NEGR1: variants seen among roughly 807,000 people sequenced by gnomAD.
NEGR1 encodes neuronal growth regulator 1.
A neutral mutation model predicts 40.9 loss-of-function variants in NEGR1; 10 were observed. The observed-to-expected ratio is 0.24, with a 90% CI of 0.15 to 0.42. The LOEUF (loss-of-function observed/expected upper bound fraction) is 0.42. Among genes scored for constraint, NEGR1 ranks in the 10% least tolerant of loss-of-function variants. The pLI is 1.00. For missense variants in NEGR1, 352 were observed against 438.9 expected (o/e 0.80, Z 1.77); for synonymous variants, 185 against 166.8 (o/e 1.11, Z -0.84).
chr1:71,567,586 T>C (rs966981990), intron 6 of NEGR1, among the ~76,000 whole-genome samples: 2 of 152,184 alleles, frequency 1.3e-5, no homozygotes, highest in Non-Finnish European at 2.9e-5. Context: ...TTGCCTGATT[T>C]ATATATAATA....
intron 3 of NEGR1, among the ~76,000 whole-genome samples, chr1:71,743,631 C>G (rs1339593806): frequency 6.6e-6 from 1 of 152,068 alleles, no homozygotes; most frequent in East Asian, 1.9e-4. Context: ...CTCTCAGGCT[C>G]TCTAATAGGG....
At chr1:71,435,386 TAAAA>T (rs1252179411) in intron 6 of NEGR1, among the ~76,000 whole-genome samples, 1 of 151,954 alleles carries the variant, frequency 6.6e-6, no homozygotes, top group Non-Finnish European at 1.5e-5. Context: ...AGAGTTGGCA[TAAAA>T]AAATGCCAAG....
intron 1 of NEGR1, among the ~76,000 whole-genome samples, chr1:71,947,967 C>T (rs983366170): frequency 6.6e-6 from 1 of 152,140 alleles, no homozygotes; most frequent in Non-Finnish European, 1.5e-5. Flanking sequence ...CCCTTTCTAT[C>T]TTCCTAGAGG....
chr1:71,885,458 T>C (rs1660698817), intron 2 of NEGR1, among the ~76,000 whole-genome samples: 1 of 152,242 alleles, frequency 6.6e-6, no homozygotes, highest in Non-Finnish European at 1.5e-5. Flanking sequence ...GTTTGTTTGT[T>C]TGTTTTTTAG....
intron 1 of NEGR1, among the ~76,000 whole-genome samples, chr1:72,069,967 T>C (rs1228860922): frequency 2.6e-5 from 4 of 152,134 alleles, no homozygotes; most frequent in African/African-American, 9.6e-5. Flanking sequence ...CAAAATAAAT[T>C]GTATTAACTT....
intron 5 of NEGR1, among the ~76,000 whole-genome samples, chr1:71,606,117 G>T (rs1490362757): frequency 2.0e-5 from 3 of 152,080 alleles, no homozygotes; most frequent in Non-Finnish European, 4.4e-5. Context: ...ATTGAATAAG[G>T]TTTCCCCATA....
At chr1:71,913,275 C>T (rs1661473577) in intron 2 of NEGR1, among the ~76,000 whole-genome samples, 1 of 151,930 alleles carries the variant, frequency 6.6e-6, no homozygotes, top group African/African-American at 2.4e-5. Flanking sequence ...CCACCACGCC[C>T]AGCTAATTTT....
chr1:71,456,729 A>G (rs879548483), intron 6 of NEGR1, among the ~76,000 whole-genome samples: 2 of 152,214 alleles, frequency 1.3e-5, no homozygotes, highest in African/African-American at 2.4e-5. Context: ...ACAGACATAA[A>G]TCAGTACAAT....
chr1:71,926,061 C>A (rs1432352079), intron 2 of NEGR1, among the ~76,000 whole-genome samples: 3 of 152,056 alleles, frequency 2.0e-5, no homozygotes, highest in Admixed American at 1.3e-4. Flanking sequence ...AAAATGTGAT[C>A]AGTCTGCTGA....
At chr1:71,966,584 A>G (rs1183951490) in intron 1 of NEGR1, among the ~76,000 whole-genome samples, 1 of 152,140 alleles carries the variant, frequency 6.6e-6, no homozygotes, top group Non-Finnish European at 1.5e-5. Context: ...TGTTTTTTGC[A>G]AGTGATAAAT....
chr1:72,133,678 G>GT (rs1650340502), intron 1 of NEGR1, among the ~76,000 whole-genome samples: 1 of 151,300 alleles, frequency 6.6e-6, no homozygotes, highest in Non-Finnish European at 1.5e-5. Context: ...ATATTTTTAG[G>GT]TAAAAACTGA....
rs1042354507 is a variant in NEGR1 at position 71,406,695 on chromosome 1, C to A, written c.*751G>T. 5.2e-5 allele frequency: 8 copies of A among 152,594 alleles called. No homozygotes were observed. Among genetic ancestry groups the A allele is most frequent in the African/African-American group, 1.9e-4 (8 of 41,550 alleles). The allele number at this position is 152,594 out of a possible 1,614,324, so 9.5% of individuals were successfully genotyped here. On this transcript the variant is annotated 3_prime_UTR_variant, in exon 7 of 7. Coordinates refer to ENST00000357731, the MANE Select transcript of NEGR1 (RefSeq NM_173808.3). ...CAGTGCAGGAAGAGATTTTTACAGT[C>A]CAATAGCTCCTTCGTTACTTAGAGA...
intron 1 of NEGR1, among the ~76,000 whole-genome samples, chr1:72,202,066 AT>A (rs1007091636): frequency 3.7e-4 from 56 of 151,938 alleles, no homozygotes; most frequent in African/African-American, 1.3e-3. Flanking sequence ...AAAATTACCC[AT>A]TTTGGTAATT....
chr1:71,902,713 G>A (rs977207478), intron 2 of NEGR1, among the ~76,000 whole-genome samples: 5 of 151,910 alleles, frequency 3.3e-5, no homozygotes, highest in African/African-American at 1.2e-4. Flanking sequence ...TATTTGTAAG[G>A]TCACCACAAG....
intron 3 of NEGR1, among the ~76,000 whole-genome samples, chr1:71,739,887 A>C (rs1655161825): frequency 6.6e-6 from 1 of 152,206 alleles, no homozygotes; most frequent in African/African-American, 2.4e-5. Flanking sequence ...ATTTAATAAA[A>C]ACAAAGTCTA....
chr1:71,967,365 G>T (rs1469202317), intron 1 of NEGR1, among the ~76,000 whole-genome samples: 1 of 152,034 alleles, frequency 6.6e-6, no homozygotes, highest in Non-Finnish European at 1.5e-5. Context: ...TCATCCAAAG[G>T]CACCAATCAT....
At chr1:72,029,279 A>C (rs1467453587) in intron 1 of NEGR1, among the ~76,000 whole-genome samples, 1 of 152,174 alleles carries the variant, frequency 6.6e-6, no homozygotes, top group Non-Finnish European at 1.5e-5. Context: ...CAGGAGTTCA[A>C]GATCAGCCTG....
At chr1:72,067,758 G>A (rs1647312158) in intron 1 of NEGR1, among the ~76,000 whole-genome samples, 1 of 152,102 alleles carries the variant, frequency 6.6e-6, no homozygotes, top group Non-Finnish European at 1.5e-5. Context: ...ATATAAACTT[G>A]TTTAACTGAT....
chr1:71,505,257 G>A (rs534221711), intron 6 of NEGR1, among the ~76,000 whole-genome samples: 2 of 151,902 alleles, frequency 1.3e-5, no homozygotes, highest in Non-Finnish European at 2.9e-5. Flanking sequence ...CCACCCTGTG[G>A]TGCCTAGCCC....
Sources: allele counts gnomAD v4.1 joint callset (sites outside exome capture counted in the v4.1 genomes callset), GRCh38; gene constraint gnomAD v4.1.1; transcripts MANE v1.5; gene names NCBI Gene and HGNC (gene_info 2026-07-23, HGNC 2026-07-21).